Variants in SRR observed in about 807,000 individuals in gnomAD.
SRR encodes D-serine ammonia-lyase.
In SRR, 19 loss-of-function variants were observed where a neutral mutation model predicts 32.7. The ratio of observed to expected loss-of-function variants is 0.58; its 90% CI spans 0.40 to 0.85. SRR has a LOEUF of 0.85. SRR is among the 40% of genes least tolerant of loss of function. SRR has a pLI of 0.00. For synonymous variants in SRR, 142 were observed against 140.9 expected, an observed-to-expected ratio of 1.01 and a Z score of -0.06; for missense variants, 373 against 404.7, an observed-to-expected ratio of 0.92 and a Z score of 0.67.
chr17:2,310,284 G>A (rs113967569), intron 1 of SRR, among the ~76,000 whole-genome samples: 1,659 of 152,158 alleles, frequency 0.011, 16 homozygotes, highest in Non-Finnish European at 0.018. Flanking sequence ...GAATGGAATC[G>A]GTAGATCATA....
In SRR at chr17:2,317,954, G is replaced by A. The variant is rs2075491036; in HGVS notation, c.253G>A (p.Gly85Arg). 6.2e-7 allele frequency: 1 copy of A among 1,613,808 alleles called. No homozygotes were observed. Among genetic ancestry groups the A allele is most frequent in the Admixed American group, 1.7e-5 (1 of 59,964 alleles). The part of the protein sequence containing the change: ...KPKAVVTHSS[G>R]NHGQALTYAA... Reference sequence around the variant, plus strand: ...GAAAGCTGTTGTTACTCACAGCAGTGGAAACCATGGCCAGGCTCTCACCTA... The same window carrying A: ...GAAAGCTGTTGTTACTCACAGCAGTAGAAACCATGGCCAGGCTCTCACCTA... Residue 85 changes from glycine (G) to arginine (R), a missense_variant, in exon 3 of 8, where the codon GGA becomes AGA. By Grantham distance (125) the Gly-to-Arg change is moderately radical (BLOSUM62 -2). Coordinates refer to ENST00000344595, the MANE Select transcript of SRR (RefSeq NM_021947.3).
In SRR at chr17:2,324,760, ACT is replaced by A; in HGVS notation, c.*892_*893del. 8.1e-6 allele frequency: 13 copies of A among 1,614,082 alleles called. No homozygotes were observed. Among genetic ancestry groups the A allele is most frequent in the Non-Finnish European group, 1.1e-5 (13 of 1,180,024 alleles). On this transcript the variant is annotated 3_prime_UTR_variant, in exon 8 of 8. Transcript: ENST00000344595. ...TTTGAAAGGATGACCACTCAGAACA[ACT>A]CTCTTGATGACCATTCTGTCTGGAT...
At chr17:2,305,733 C>T (rs993492988) in intron 1 of SRR, among the ~76,000 whole-genome samples, 3 of 152,030 alleles carry the variant, frequency 2.0e-5, no homozygotes, top group African/African-American at 7.2e-5. Flanking sequence ...GAGTTTCACT[C>T]TTGTTGCCCA....
intron 1 of SRR, among the ~76,000 whole-genome samples, chr17:2,305,812 C>T (rs1212424468): frequency 1.3e-5 from 2 of 152,002 alleles, no homozygotes; most frequent in Middle Eastern, 3.2e-3. Flanking sequence ...ATTCTCTTGC[C>T]TCAGCCTCCT....
intron 6 of SRR, 53 bp from the exon 7 acceptor site, chr17:2,323,083 T>C: frequency 1.3e-6 from 2 of 1,574,230 alleles, no homozygotes; most frequent in Non-Finnish European, 1.7e-6. Context: ...CTTTTAGACA[T>C]GCAGGCAATG....
chr17:2,323,384 G>T, intron 7 of SRR, 39 bp downstream of exon 7: 1 of 1,610,748 alleles, frequency 6.2e-7, no homozygotes, highest in Non-Finnish European at 8.5e-7. Context: ...AAAGCATGGT[G>T]TAACTTCTTA....
chr17:2,321,939 C>T (rs1179589033), intron 6 of SRR, among the ~76,000 whole-genome samples: 2 of 152,050 alleles, frequency 1.3e-5, no homozygotes, highest in African/African-American at 4.8e-5. Context: ...CACCACACCC[C>T]GCTAATTTTT....
chr17:2,311,301 C>T (rs1480747564), intron 1 of SRR, among the ~76,000 whole-genome samples: 4 of 152,052 alleles, frequency 2.6e-5, no homozygotes, highest in Non-Finnish European at 5.9e-5. Flanking sequence ...ATCCTCCTGC[C>T]ACTGTGCCCA....
chr17:2,308,389 ATT>A (rs1196991775), intron 1 of SRR, among the ~76,000 whole-genome samples: 1 of 152,204 alleles, frequency 6.6e-6, no homozygotes, highest in Admixed American at 6.5e-5. Context: ...ATATACACAC[ATT>A]TCTGGCAAAA....
intron 1 of SRR, among the ~76,000 whole-genome samples, chr17:2,308,191 C>CAA (rs1398196538): frequency 1.3e-5 from 2 of 151,922 alleles, no homozygotes; most frequent in African/African-American, 2.4e-5. Flanking sequence ...AAGCACTTCT[C>CAA]AGAGGAAAAA....
chr17:2,303,381 G>A (rs1480965148), upstream of SRR: 6 of 1,234,614 alleles, frequency 4.9e-6, no homozygotes, highest in East Asian at 3.3e-5. Flanking sequence ...AGTCACCTTC[G>A]CGGCGAGAAA....
At chr17:2,321,649 G>A in intron 6 of SRR, 33 bp downstream of exon 6, 1 of 1,597,928 alleles carries the variant, frequency 6.3e-7, no homozygotes, top group South Asian at 1.1e-5. Context: ...CCTGCTTCAA[G>A]CAGAGGATTT....
chr17:2,315,775 T>C (rs2151432956), intron 2 of SRR, 47 bp downstream of exon 2: 1 of 1,560,532 alleles, frequency 6.4e-7, no homozygotes, highest in East Asian at 2.3e-5. Flanking sequence ...TCACACCCTT[T>C]CACATATCAG....
Position 2,324,261 on chromosome 17 carries a change from GT to G in SRR, c.*389del, listed in dbSNP as rs2075559591. 6.5e-7 allele frequency: 1 copy of G among 1,549,004 alleles called. No individual in the cohort carries two copies. The highest frequency in any genetic ancestry group is 1.4e-5 in the African/African-American group (1 of 72,404). On this transcript the variant is annotated 3_prime_UTR_variant, in exon 8 of 8. Coordinates refer to ENST00000344595, the MANE Select transcript of SRR (RefSeq NM_021947.3). ...CTTTTCAGCCAGGGTACTGGTTCTG[GT>G]ACATATGGATCATAAGTCCATTTGG...
At chr17:2,311,462 C>T (rs1182667189) in intron 1 of SRR, among the ~76,000 whole-genome samples, 1 of 151,000 alleles carries the variant, frequency 6.6e-6, no homozygotes, top group Non-Finnish European at 1.5e-5. Context: ...ATGGCAAAAC[C>T]TTGTCTCTAC....
chr17:2,308,108 A>G (rs1198812681), intron 1 of SRR, among the ~76,000 whole-genome samples: 1 of 151,748 alleles, frequency 6.6e-6, no homozygotes, highest in Non-Finnish European at 1.5e-5. Flanking sequence ...CAAAAAAGAA[A>G]ACAAGACTAA....
intron 1 of SRR, among the ~76,000 whole-genome samples, chr17:2,310,871 C>T (rs1162604953): frequency 1.3e-5 from 2 of 152,142 alleles, no homozygotes; most frequent in East Asian, 1.9e-4. Context: ...CTCAGCCTCC[C>T]GAGTAGCTGG....
rs1015815341 is a variant in SRR at position 2,304,009 on chromosome 17, T to G, written c.-13T>G. ...GCTGGAGCTGGAGGCGCGGCGCCGG[T>G]GAGCTGAGGTGAGGCGAGGCCGGGC... On this transcript the variant is annotated 5_prime_UTR_variant, in exon 1 of 8. Transcript: ENST00000344595. 1 of 299,970 alleles carries G rather than the reference T, an allele frequency of 3.3e-6. No individual in the cohort carries two copies. Among genetic ancestry groups the G allele is most frequent in the Non-Finnish European group, 6.1e-6 (1 of 164,564 alleles). The allele number at this position is 299,970 out of a possible 1,614,324, so 18.6% of individuals were successfully genotyped here. A position where few individuals can be genotyped will look rare whatever the true frequency, so the allele number is the denominator to read the frequency against.
At chr17:2,319,995 T>C (rs1222059108) in intron 4 of SRR, among the ~76,000 whole-genome samples, 1 of 147,584 alleles carries the variant, frequency 6.8e-6, no homozygotes, top group Admixed American at 6.8e-5. Flanking sequence ...ATTTTTTCTA[T>C]TTTTAGTAGA....
Sources: allele counts gnomAD v4.1 joint callset (sites outside exome capture counted in the v4.1 genomes callset), GRCh38; gene constraint gnomAD v4.1.1; transcripts MANE v1.5; gene names NCBI Gene and HGNC (gene_info 2026-07-23, HGNC 2026-07-21).